Variants in TENM3 observed in about 807,000 individuals in gnomAD.
TENM3 encodes teneurin-3.
In TENM3, 63 loss-of-function variants were observed where a neutral mutation model predicts 255.1. The ratio of observed to expected loss-of-function variants is 0.25; its 90% CI spans 0.20 to 0.30. TENM3 has a LOEUF of 0.30. TENM3 is among the 10% of genes least tolerant of loss of function. The probability of loss-of-function intolerance (pLI) is 1.00; values close to 1 mark genes in which losing one functional copy is unlikely to be tolerated. For missense variants in TENM3, 2,929 were observed against 3,461.1 expected (o/e 0.85, Z 3.86); for synonymous variants, 1,306 against 1,322.3 (o/e 0.99, Z 0.27).
chr4:182,205,245 C>T (rs768118889), intron 1 of TENM3, among the ~76,000 whole-genome samples: 4 of 152,242 alleles, frequency 2.6e-5, no homozygotes, highest in South Asian at 2.1e-4. Context: ...TTCACAACTG[C>T]TGCTTTGTGA....
chr4:181,558,547 T>C, the TENM3 span, among the ~76,000 whole-genome samples: 1 of 152,186 alleles, frequency 6.6e-6, no homozygotes, highest in South Asian at 2.1e-4. Context: ...CCATAATCCA[T>C]GCAGACAGTT....
At chr4:181,678,435 G>A in the TENM3 span, among the ~76,000 whole-genome samples, 1 of 151,998 alleles carries the variant, frequency 6.6e-6, no homozygotes, top group Non-Finnish European at 1.5e-5. Context: ...AGGCAACGGG[G>A]AAGGCAAGAA....
intron 3 of TENM3, among the ~76,000 whole-genome samples, chr4:182,522,576 T>A (rs972633111): frequency 1.8e-4 from 28 of 152,234 alleles, no homozygotes; most frequent in Non-Finnish European, 4.4e-5. Flanking sequence ...CTTTCTTTTT[T>A]AAAAAATTTA....
intron 6 of TENM3, among the ~76,000 whole-genome samples, chr4:182,658,053 T>C (rs1242712422): frequency 6.6e-6 from 1 of 152,184 alleles, no homozygotes; most frequent in African/African-American, 2.4e-5. Flanking sequence ...TACCCCTAGC[T>C]CATGACTTGT....
intron 4 of TENM3, among the ~76,000 whole-genome samples, chr4:182,610,662 A>G (rs1283766724): frequency 6.6e-6 from 1 of 152,140 alleles, no homozygotes; most frequent in Non-Finnish European, 1.5e-5. Flanking sequence ...CAGCCTGGGC[A>G]ACAAAGTGAG....
At chr4:181,744,668 C>A in the TENM3 span, among the ~76,000 whole-genome samples, 1 of 152,318 alleles carries the variant, frequency 6.6e-6, no homozygotes, top group Admixed American at 6.5e-5. Context: ...AGGATGTGGG[C>A]AGCTTGGAAC....
rs116744249 is a variant in TENM3 at position 182,417,726 on chromosome 4, T to C, written c.511+70797T>C. ...AAAGATACTTTTTATTCCTAAATGA[T>C]AGTTACATTGTTATAGTATTTAAGT... On this transcript the variant is annotated intron_variant, in intron 3 of 27. Transcript: ENST00000511685. Among the ~76,000 whole-genome samples, 627 of 152,296 alleles carry C rather than the reference T, an allele frequency of 4.1e-3. 4 individuals carry two copies. The highest frequency in any genetic ancestry group is 0.015 in the African/African-American group (606 of 41,580).
the TENM3 span, among the ~76,000 whole-genome samples, chr4:181,925,377 A>G: frequency 6.6e-6 from 1 of 152,326 alleles, no homozygotes; most frequent in East Asian, 1.9e-4. Context: ...TTATTGGTTT[A>G]CCTGTAATTG....
the TENM3 span, among the ~76,000 whole-genome samples, chr4:181,759,027 A>G: frequency 6.6e-6 from 1 of 152,178 alleles, no homozygotes; most frequent in African/African-American, 2.4e-5. Context: ...AAAATCTTCT[A>G]CCAGTAGCTC....
intron 3 of TENM3, among the ~76,000 whole-genome samples, chr4:182,468,823 CTTGTGT>C (rs761275343): frequency 1.6e-5 from 1 of 62,556 alleles, no homozygotes; most frequent in African/African-American, 5.4e-5. Context: ...ATCCTGTGTG[CTTGTGT>C]GTGTGTGTGT....
chr4:182,620,395 A>C (rs1419833056), intron 4 of TENM3, among the ~76,000 whole-genome samples: 5 of 152,212 alleles, frequency 3.3e-5, no homozygotes, highest in Admixed American at 6.5e-5. Flanking sequence ...GATATAGTGC[A>C]ATGAAAGAGC....
chr4:181,460,335 C>T, the TENM3 span, among the ~76,000 whole-genome samples: 1 of 151,848 alleles, frequency 6.6e-6, no homozygotes, highest in African/African-American at 2.4e-5. Flanking sequence ...AGACGACCTG[C>T]CTTATTACTG....
chr4:182,276,065 A>C (rs1442092380), intron 1 of TENM3, among the ~76,000 whole-genome samples: 2 of 152,210 alleles, frequency 1.3e-5, no homozygotes, highest in African/African-American at 4.8e-5. Context: ...ATTTGCACTG[A>C]GACCTGAGTA....
At chr4:182,404,024 G>A (rs1769385549) in intron 3 of TENM3, among the ~76,000 whole-genome samples, 1 of 152,190 alleles carries the variant, frequency 6.6e-6, no homozygotes, top group Admixed American at 6.5e-5. Context: ...ACCAAGCTGT[G>A]AAATTTGTTT....
the TENM3 span, among the ~76,000 whole-genome samples, chr4:181,767,735 A>G: frequency 6.6e-6 from 1 of 152,138 alleles, no homozygotes; most frequent in Non-Finnish European, 1.5e-5. Flanking sequence ...TTTGGGAAAT[A>G]TTGGTCTATG....
the TENM3 span, among the ~76,000 whole-genome samples, chr4:181,740,629 A>C: frequency 2.0e-5 from 3 of 152,168 alleles, no homozygotes; most frequent in African/African-American, 7.2e-5. Flanking sequence ...GATCACTGCA[A>C]TCAATCTTGA....
At chr4:182,527,119 A>G (rs953484618) in intron 3 of TENM3, among the ~76,000 whole-genome samples, 1 of 152,240 alleles carries the variant, frequency 6.6e-6, no homozygotes, top group African/African-American at 2.4e-5. Flanking sequence ...AAATATTTCA[A>G]TTAAAGAAGT....
At chr4:182,784,313 G>T (rs1035668772) in intron 24 of TENM3, among the ~76,000 whole-genome samples, 1 of 152,138 alleles carries the variant, frequency 6.6e-6, no homozygotes, top group African/African-American at 2.4e-5. Flanking sequence ...ATACCCTGCC[G>T]TGTGAGGTGT....
At chr4:181,766,251 G>C in the TENM3 span, among the ~76,000 whole-genome samples, 4 of 152,102 alleles carry the variant, frequency 2.6e-5, 1 homozygote, top group South Asian at 8.3e-4. Context: ...AAGCTAAAAA[G>C]CAAACATAAA....
Sources: gnomAD v4.1 joint callset for allele counts (sites outside exome capture counted in the v4.1 genomes callset) on GRCh38, gnomAD v4.1.1 for gene constraint, MANE v1.5 for transcripts, NCBI Gene and HGNC (gene_info 2026-07-23, HGNC 2026-07-21) for gene names.